BFSP1: variants seen among roughly 807,000 people sequenced by gnomAD.
The protein encoded by BFSP1 is beaded filament structural protein 1, also known as filensin.
Under a neutral mutation model 43.9 loss-of-function variants are expected in BFSP1, and 38 were observed. The observed-to-expected ratio is 0.87, with a 90% confidence interval of 0.67 to 1.14. BFSP1 has a LOEUF of 1.14. Among genes scored for constraint, BFSP1 ranks in the 50% most tolerant of loss-of-function variants. BFSP1 has a pLI of 0.00. For missense variants in BFSP1, 850 were observed against 875.1 expected (o/e 0.97, Z 0.36); for synonymous variants, 352 against 354.8 (o/e 0.99, Z 0.09).
chr20:17,524,673 G>A (rs1167655287), intron 2 of BFSP1, among the ~76,000 whole-genome samples, 175 bp downstream of exon 2: 1 of 152,182 alleles, frequency 6.6e-6, no homozygotes, highest in Non-Finnish European at 1.5e-5. Flanking sequence ...GTATGGGTGT[G>A]TGAGTTCACT....
chr20:17,547,897 A>ATTTTT (rs71192391), intron 1 of BFSP1, among the ~76,000 whole-genome samples: 21 of 101,868 alleles, frequency 2.1e-4, no homozygotes, highest in Non-Finnish European at 2.8e-4. Context: ...TGCCCGGCCA[A>ATTTTT]TTTTTTTTTT....
chr20:17,531,211 C>T lies in BFSP1; in HGVS notation c.119G>A (p.Ser40Asn). The T allele has an allele frequency of 1.5e-6, 2 of 1,327,078 alleles. No homozygotes were observed. The highest frequency in any genetic ancestry group is 1.9e-6 in the Non-Finnish European group (2 of 1,039,560). 82.2% of individuals were successfully genotyped at this position (1,327,078 alleles called of 1,614,324 possible). The change falls in exon 1 of 8, where the codon AGC (serine) becomes AAC (asparagine). Residue 40 changes from serine (S) to asparagine (N), a missense_variant. Transcript: ENST00000377873. ...GCCGAGCCCCTGCAGCGCCGCCAGG[C>T]TCGTTGCCCCAGCCCAGCCCTCGTC... ...PADEGWAGAT[S>N]LAALQGLGER...
chr20:17,554,704 C>T (rs2034961178), intron 1 of BFSP1, among the ~76,000 whole-genome samples: 1 of 152,150 alleles, frequency 6.6e-6, no homozygotes, highest in Non-Finnish European at 1.5e-5. Flanking sequence ...ATAAGGATCG[C>T]CACCAGTCAG....
intron 6 of BFSP1, among the ~76,000 whole-genome samples, chr20:17,497,941 T>G (rs1271146171): frequency 1.3e-5 from 2 of 152,214 alleles, no homozygotes; most frequent in African/African-American, 4.8e-5. Flanking sequence ...AGACTTATTC[T>G]TGCAGATGTG....
intron 1 of BFSP1, among the ~76,000 whole-genome samples, chr20:17,553,366 T>C (rs192869291): frequency 6.6e-6 from 1 of 151,896 alleles, no homozygotes; most frequent in African/African-American, 2.4e-5. Flanking sequence ...GGAATAAAAT[T>C]CACAGGGTAG....
At chr20:17,516,053 G>T (rs956001293) in intron 2 of BFSP1, among the ~76,000 whole-genome samples, 1 of 152,192 alleles carries the variant, frequency 6.6e-6, no homozygotes, top group Non-Finnish European at 1.5e-5. Context: ...TTGGGGCCGG[G>T]TGTGGTGGCT....
At chr20:17,540,727 C>G (rs752890629) in intron 1 of BFSP1, among the ~76,000 whole-genome samples, 3 of 152,144 alleles carry the variant, frequency 2.0e-5, no homozygotes, top group Non-Finnish European at 4.4e-5. Context: ...CTCTCATGTC[C>G]TCTAGCTTCC....
chr20:17,524,742 T>A (rs776179315), intron 2 of BFSP1, 106 bp downstream of exon 2: 1 of 1,251,192 alleles, frequency 8.0e-7, no homozygotes, highest in African/African-American at 1.5e-5. Context: ...AAAGAAGTAG[T>A]GACCGCCAAA....
chr20:17,527,714 C>T (rs1054404476), intron 1 of BFSP1, among the ~76,000 whole-genome samples: 10 of 149,540 alleles, frequency 6.7e-5, no homozygotes, highest in East Asian at 2.0e-4. Flanking sequence ...GGTGACAGAG[C>T]GAGACTCTGT....
Position 17,525,301 on chromosome 20 carries a change from C to T in BFSP1, c.378-393G>A, listed in dbSNP as rs751705882. On this transcript the variant is annotated intron_variant, in intron 1 of 7. Transcript: ENST00000377873. The surrounding 1 kb of genome is among the most constrained non-coding windows in gnomAD (Gnocchi z 4.2). ...CAATCTACACCACCATTAACCTGACCGTACTTGGATTTCCTATAGTATTTT... is the reference window on the plus strand; with the variant it reads ...CAATCTACACCACCATTAACCTGACTGTACTTGGATTTCCTATAGTATTTT... Among the ~76,000 whole-genome samples the T allele has an allele frequency of 6.6e-6, 1 of 152,154 alleles. No individual in the cohort carries two copies. The highest frequency in any genetic ancestry group is 1.5e-5 in the Non-Finnish European group (1 of 68,042).
In BFSP1 at chr20:17,494,651, G is replaced by C. The variant is rs200153001; in HGVS notation, c.1421C>G (p.Thr474Arg). The C allele has an allele frequency of 1.9e-6, 3 of 1,614,168 alleles. No homozygotes were observed. The African/African-American group carries it at 4.0e-5, about 22-fold the overall frequency. Residue 474 changes from threonine to arginine, a missense_variant, in exon 8 of 8, where the codon ACA becomes AGA. Physicochemically the swap from Thr to Arg is moderately conservative, Grantham distance 71. Coordinates refer to ENST00000377873, the MANE Select transcript of BFSP1 (RefSeq NM_001195.5). The part of the protein sequence containing the change: ...LYTKERHVLV[T>R]GDANYVDPRF... ...AGGGTCCACGTAATTGGCATCCCCT[G>C]TGACCAGCACGTGCCGCTCTTTGGT...
chr20:17,529,578 A>C (rs80308579), intron 1 of BFSP1, among the ~76,000 whole-genome samples: 2 of 152,032 alleles, frequency 1.3e-5, no homozygotes, highest in Admixed American at 6.5e-5. Flanking sequence ...CAAAAAAAAA[A>C]CTCTACTCTC....
chr20:17,506,698 T>C (rs569101685), intron 5 of BFSP1: 3 of 151,926 alleles, frequency 2.0e-5, no homozygotes, highest in Non-Finnish European at 4.4e-5. Flanking sequence ...CTAATTTTTG[T>C]ATTTTTTGTA....
In BFSP1 at chr20:17,546,426, C is replaced by A. The variant is rs148561481; in HGVS notation, c.2+12262G>T. ...ATTAAAGATAAGATTTGGGGCTGGG[C>A]GAAGTGGCTCATGCCTGTAATCCCA... On this transcript the variant is annotated intron_variant, in intron 1 of 7. Transcript: ENST00000377868. 3.9e-5 allele frequency among the ~76,000 whole-genome samples: 6 copies of A among 152,280 alleles called. No individual in the cohort carries two copies. In the East Asian group the frequency reaches 1.2e-3, roughly 29 times the overall value.
At chr20:17,541,228 T>C in intron 1 of BFSP1, 1 of 974,542 alleles carries the variant, frequency 1.0e-6, no homozygotes, top group African/African-American at 1.8e-5. Context: ...TTAGTGAATA[T>C]TAGATAGAAA....
At chr20:17,540,220 CCTG>C (rs2307608) in intron 1 of BFSP1, among the ~76,000 whole-genome samples, 28,750 of 151,980 alleles carry the variant, frequency 0.19, 2,968 homozygotes, top group Non-Finnish European at 0.23. Flanking sequence ...GTGAATATTT[CCTG>C]CTATTCCACC....
intron 1 of BFSP1, among the ~76,000 whole-genome samples, chr20:17,527,178 A>G (rs1481293624): frequency 6.6e-6 from 1 of 152,262 alleles, no homozygotes; most frequent in Non-Finnish European, 1.5e-5. Context: ...TCTCTGCATA[A>G]GTTTTACATT....
At chr20:17,529,377 A>G (rs2034486182) in intron 1 of BFSP1, among the ~76,000 whole-genome samples, 1 of 152,132 alleles carries the variant, frequency 6.6e-6, no homozygotes. Flanking sequence ...CACCCAGCCC[A>G]TAGTTAAATA....
At chr20:17,495,439 A>G (rs985119787) in intron 7 of BFSP1, among the ~76,000 whole-genome samples, 4 of 152,180 alleles carry the variant, frequency 2.6e-5, no homozygotes, top group African/African-American at 9.7e-5. Context: ...CCCATTCCTC[A>G]AAGTTATTCT....
Sources: gnomAD v4.1 joint callset for allele counts (sites outside exome capture counted in the v4.1 genomes callset) on GRCh38, gnomAD v4.1.1 for gene constraint, Gnocchi (gnomAD v3.1) non-coding constraint, MANE v1.5 for transcripts, NCBI Gene and HGNC (gene_info 2026-07-23, HGNC 2026-07-21) for gene names.